Variants in NEBL observed in about 807,000 individuals in gnomAD.
NEBL encodes the protein nebulette.
NEBL carries 122 observed loss-of-function variants against 140.2 expected under a neutral mutation model. That is an observed-to-expected ratio of 0.87 (90% CI 0.75 to 1.01). The LOEUF (loss-of-function observed/expected upper bound fraction) is 1.01, where lower values mean the gene tolerates loss of function less well. Ranked by LOEUF, NEBL falls within the 50% of genes least tolerant of loss-of-function variation. The pLI is 0.00. For synonymous variants in NEBL, 436 were observed against 398.9 expected (o/e 1.09, Z -1.11); for missense variants, 1,365 against 1,231.3 (o/e 1.11, Z -1.62).
intron 7 of NEBL, 56 bp downstream of exon 7, chr10:20,868,608 T>C (rs370237618): frequency 4.6e-5 from 53 of 1,149,316 alleles, no homozygotes; most frequent in East Asian, 2.8e-4. Flanking sequence ...TCTCCTGTGC[T>C]GTTAGAAACA....
At chr10:20,802,123 C>T (rs146673922) in intron 26 of NEBL, among the ~76,000 whole-genome samples, 7 of 152,236 alleles carry the variant, frequency 4.6e-5, no homozygotes, top group African/African-American at 1.7e-4. Flanking sequence ...CAGGTAAACA[C>T]CAGGTGAGAT....
upstream of NEBL, among the ~76,000 whole-genome samples, chr10:21,179,373 G>A (rs770477840): frequency 5.9e-5 from 9 of 152,084 alleles, no homozygotes; most frequent in Non-Finnish European, 1.0e-4. Context: ...GCATACCACT[G>A]AGGCCAGCTG....
chr10:20,787,146 GC>G, intron 27 of NEBL, 55 bp downstream of exon 27: 1 of 1,282,042 alleles, frequency 7.8e-7, no homozygotes, highest in South Asian at 1.2e-5. Flanking sequence ...GTATTTACAT[GC>G]TTGAGGGGAA....
At chr10:20,865,239 ATACC>A (rs3837357) in intron 7 of NEBL, among the ~76,000 whole-genome samples, 33,470 of 152,024 alleles carry the variant, frequency 0.22, 4,110 homozygotes, top group East Asian at 0.43. Context: ...ACTATTTTGA[ATACC>A]TAAAGTAAAA....
intron 3 of NEBL, among the ~76,000 whole-genome samples, chr10:21,230,493 T>C (rs940928892): frequency 7.2e-5 from 11 of 152,306 alleles, no homozygotes; most frequent in African/African-American, 2.6e-4. Context: ...TCAAGATGAA[T>C]GTGTCAACAA....
intron 4 of NEBL, among the ~76,000 whole-genome samples, chr10:20,914,969 A>ATTTTTTTTTTTTTTTTTTTTTTTTTTTTT (rs71390798): frequency 9.0e-5 from 10 of 111,216 alleles, no homozygotes; most frequent in East Asian, 7.3e-4. Flanking sequence ...AGTGGCTGGG[A>ATTTTTTTTTTTTTTTTTTTTTTTTTTTTT]TTTTTTTTTT....
At chr10:21,272,118 ATTTTTTTT>A (rs10678454) in intron 1 of NEBL, among the ~76,000 whole-genome samples, 1 of 79,100 alleles carries the variant, frequency 1.3e-5, no homozygotes, top group African/African-American at 5.7e-5. Flanking sequence ...CACTTGGTTA[ATTTTTTTT>A]TTTTTTTTTT....
At chr10:20,860,675 T>C (rs1402395352) in intron 7 of NEBL, among the ~76,000 whole-genome samples, 1 of 152,116 alleles carries the variant, frequency 6.6e-6, no homozygotes, top group African/African-American at 2.4e-5. Flanking sequence ...AGCTGTTTTG[T>C]TCTCTCATAA....
chr10:21,045,330 G>A (rs1046831831), intron 2 of NEBL, among the ~76,000 whole-genome samples: 1 of 152,134 alleles, frequency 6.6e-6, no homozygotes, highest in Admixed American at 6.5e-5. Flanking sequence ...AAAGAAATAT[G>A]TTCCTTTTGT....
At chr10:21,262,154 C>T (rs553736890) in intron 1 of NEBL, among the ~76,000 whole-genome samples, 1 of 152,216 alleles carries the variant, frequency 6.6e-6, no homozygotes, top group South Asian at 2.1e-4. Flanking sequence ...GCGAGGGCCT[C>T]GATAGGAGAT....
At chr10:21,004,511 G>A (rs1245597758) in intron 3 of NEBL, among the ~76,000 whole-genome samples, 1 of 152,116 alleles carries the variant, frequency 6.6e-6, no homozygotes, top group Non-Finnish European at 1.5e-5. Flanking sequence ...ACGAGGTCAG[G>A]AGATCGAGAC....
chr10:20,970,586 C>T (rs548717117), intron 3 of NEBL, among the ~76,000 whole-genome samples: 11 of 151,918 alleles, frequency 7.2e-5, no homozygotes, highest in Non-Finnish European at 1.5e-4. Flanking sequence ...GAGGTGAAGG[C>T]TGCAGTGAGC....
intron 3 of NEBL, among the ~76,000 whole-genome samples, chr10:20,994,483 T>G (rs1448470402): frequency 6.6e-6 from 1 of 152,222 alleles, no homozygotes; most frequent in Non-Finnish European, 1.5e-5. Flanking sequence ...TTCAACGTCT[T>G]TTTGCATTCA....
chr10:20,997,554 A>G lies in NEBL; in HGVS notation c.249+22563T>C, dbSNP rs991946189. On this transcript the variant is annotated intron_variant, in intron 3 of 6. Coordinates refer to the NEBL transcript ENST00000417816. Reference sequence around the variant, plus strand: ...AATTTAGGATTCGGATTAGTAGCCAACCCTGCAATGCACTATGGATTAAAG... The same window carrying G: ...AATTTAGGATTCGGATTAGTAGCCAGCCCTGCAATGCACTATGGATTAAAG... Among the ~76,000 whole-genome samples the G allele has an allele frequency of 2.0e-5, 3 of 147,692 alleles. No individual in the cohort carries two copies. The Admixed American group carries it at 2.1e-4, about 10-fold the overall frequency.
chr10:21,173,293 T>A lies in NEBL; in HGVS notation c.69+472A>T, dbSNP rs943132467. Among the ~76,000 whole-genome samples the A allele has an allele frequency of 1.3e-5, 2 of 151,240 alleles. No homozygotes were observed. Among genetic ancestry groups the A allele is most frequent in the Admixed American group, 6.6e-5 (1 of 15,234 alleles). On this transcript the variant is annotated intron_variant, in intron 1 of 6. Transcript: ENST00000417816. The surrounding 1 kb of genome is among the most constrained non-coding windows in gnomAD (Gnocchi z 5.7). ...TAGCAATGCGGCAGCGGCCGCCCCA[T>A]GACATATTAATTACTATTTGCCTCT...
At position 20,840,812 on chromosome 10, in the gene NEBL, C is replaced by T; in HGVS notation, c.1265G>A (p.Gly422Glu). The change falls in exon 13 of 28, where the codon GGG becomes GAG. Residue 422 changes from glycine (G) to glutamate (E), a missense_variant. Transcript: ENST00000377122. ...YKKDLENEIKGKGMELNSEVL... is the reference protein window; with the variant it reads ...YKKDLENEIKEKGMELNSEVL... ...TTCTGAATTAAGTTCCATTCCTTTCCCTTTTATCTCATTTTCCAAATCTTT... is the reference window on the plus strand; with the variant it reads ...TTCTGAATTAAGTTCCATTCCTTTCTCTTTTATCTCATTTTCCAAATCTTT... 6.2e-7 allele frequency: 1 copy of T among 1,608,630 alleles called. No individual in the cohort carries two copies. The highest frequency in any genetic ancestry group is 8.5e-7 in the Non-Finnish European group (1 of 1,175,958).
intron 4 of NEBL, among the ~76,000 whole-genome samples, chr10:20,922,761 GCCATC>G (rs147733065): frequency 0.014 from 2,206 of 152,270 alleles, 43 homozygotes; most frequent in East Asian, 0.054. Flanking sequence ...GAGCACTCGA[GCCATC>G]CCATCCCTTC....
intron 2 of NEBL, among the ~76,000 whole-genome samples, chr10:21,120,467 A>G (rs575420651): frequency 1.4e-5 from 2 of 140,054 alleles, no homozygotes; most frequent in Non-Finnish European, 3.0e-5. Flanking sequence ...ATAAAGGTGC[A>G]TTTCATCTTT....
At chr10:20,919,540 A>G (rs1833475936) in intron 4 of NEBL, among the ~76,000 whole-genome samples, 1 of 152,264 alleles carries the variant, frequency 6.6e-6, no homozygotes, top group Non-Finnish European at 1.5e-5. Flanking sequence ...TGAGATAAAC[A>G]GTCCAGAGAT....
Sources: allele counts gnomAD v4.1 joint callset (sites outside exome capture counted in the v4.1 genomes callset), GRCh38; gene constraint gnomAD v4.1.1; non-coding constraint Gnocchi (gnomAD v3.1); transcripts MANE v1.5; gene names NCBI Gene and HGNC (gene_info 2026-07-23, HGNC 2026-07-21).